The following DYRK1A variants were observed in gnomAD, a reference collection of about 807,000 sequenced individuals.
DYRK1A encodes dual specificity tyrosine-phosphorylation-regulated kinase 1A.
Under a neutral mutation model 79.7 loss-of-function variants are expected in DYRK1A, and 9 were observed. The observed-to-expected ratio is 0.11, with a 90% CI of 0.07 to 0.20. The LOEUF (loss-of-function observed/expected upper bound fraction) is 0.20, where lower values mean the gene tolerates loss of function less well. Among genes scored for constraint, DYRK1A ranks in the 10% least tolerant of loss-of-function variants. The pLI is 1.00. For missense variants in DYRK1A, 622 were observed against 956.0 expected (o/e 0.65, Z 4.61); for synonymous variants, 349 against 329.7 (o/e 1.06, Z -0.63).
chr21:37,524,659 C>CT lies in DYRK1A; in HGVS notation c.*12129dup, dbSNP rs2053956607. The CT allele has an allele frequency of 6.6e-6, 1 of 152,206 alleles. No individual in the cohort carries two copies. The highest frequency in any genetic ancestry group is 2.1e-4 in the South Asian group (1 of 4,830). The allele number at this position is 152,206 out of a possible 1,614,324, so 9.4% of individuals were successfully genotyped here. On this transcript the variant is annotated 3_prime_UTR_variant, in exon 12 of 12. Transcript: ENST00000647188. ...TGGTTTTGAGTGGTTTCCCCTGACT[C>CT]TCATGACAGGGGTCACCATATGTTA...
chr21:37,487,630 T>G (rs2052919677), intron 6 of DYRK1A: 1 of 152,154 alleles, frequency 6.6e-6, no homozygotes, highest in Non-Finnish European at 1.5e-5. Context: ...ATTTAACAGA[T>G]CTTTTAAGAA....
At chr21:37,502,277 G>C (rs942554893) in intron 9 of DYRK1A, 13 of 152,002 alleles carry the variant, frequency 8.6e-5, no homozygotes, top group African/African-American at 3.1e-4. Context: ...AGAGTTTTGG[G>C]TTTAAGACTT....
At chr21:37,486,373 A>G in intron 5 of DYRK1A, 94 bp from the exon 6 acceptor site, 1 of 982,752 alleles carries the variant, frequency 1.0e-6, no homozygotes, top group Non-Finnish European at 1.4e-6. Context: ...CATATAATTG[A>G]GAATTAGGTA....
At chr21:37,431,747 G>C (rs1411524325) in intron 2 of DYRK1A, among the ~76,000 whole-genome samples, 1 of 152,174 alleles carries the variant, frequency 6.6e-6, no homozygotes, top group Non-Finnish European at 1.5e-5. Context: ...GTTTTCATAT[G>C]ACGTAGAAAT....
chr21:37,480,727 T>G lies in DYRK1A; in HGVS notation c.390T>G (p.Gly130=). 6.2e-7 allele frequency: 1 copy of G among 1,612,774 alleles called. No homozygotes were observed. The highest frequency in any genetic ancestry group is 8.5e-7 in the Non-Finnish European group (1 of 1,179,382). ...AGGAACGGAAGGTTTACAATGATGGTTATGATGATGATAACTATGATTATA... is the reference window on the plus strand; with the variant it reads ...AGGAACGGAAGGTTTACAATGATGGGTATGATGATGATAACTATGATTATA... ...HKKERKVYND[G]YDDDNYDYIV... The change falls in exon 5 of 12, where the codon GGT becomes GGG. Residue 130 remains glycine, a synonymous_variant. Transcript: ENST00000647188.
intron 1 of DYRK1A, chr21:37,419,629 A>T (rs2050425276): frequency 6.6e-6 from 1 of 152,112 alleles, no homozygotes; most frequent in South Asian, 2.1e-4. Context: ...ACTTGTCTTT[A>T]CCTCTTCTGC....
At chr21:37,488,737 TCA>T in intron 6 of DYRK1A, 4 of 985,394 alleles carry the variant, frequency 4.1e-6, no homozygotes, top group Non-Finnish European at 4.8e-6. Context: ...AACATTGTGA[TCA>T]CAGAGCTTCT....
intron 1 of DYRK1A, among the ~76,000 whole-genome samples, chr21:37,382,050 C>A (rs549879966): frequency 1.4e-3 from 219 of 152,006 alleles, no homozygotes; most frequent in Admixed American, 3.2e-3. Context: ...GTTTTATAAC[C>A]TTTTTCAGTG....
chr21:37,494,566 G>T (rs912665506), intron 8 of DYRK1A, among the ~76,000 whole-genome samples: 3 of 151,746 alleles, frequency 2.0e-5, no homozygotes, highest in African/African-American at 7.3e-5. Context: ...CACATTCTCG[G>T]TGAAACCATA....
chr21:37,368,538 A>G (rs76408058), intron 1 of DYRK1A, among the ~76,000 whole-genome samples: 3,489 of 152,310 alleles, frequency 0.023, 112 homozygotes, highest in African/African-American at 0.077. Flanking sequence ...CAGGAATGCT[A>G]GCACCATTTG....
Position 37,515,365 on chromosome 21 carries a change from A to T in DYRK1A, c.*2834A>T, listed in dbSNP as rs1372480304. 2 of 152,602 alleles carry T rather than the reference A, an allele frequency of 1.3e-5. No individual in the cohort carries two copies. Among genetic ancestry groups the T allele is most frequent in the Non-Finnish European group, 2.9e-5 (2 of 68,036 alleles). The allele number at this position is 152,602 out of a possible 1,614,324, so 9.5% of individuals were successfully genotyped here. A position where few individuals can be genotyped will look rare whatever the true frequency, so the allele number is the denominator to read the frequency against. ...AGCAATCTCTGAAAGTAAAAATTGG[A>T]GGTTTAACAGATCATTTTGATTTTT... On this transcript the variant is annotated 3_prime_UTR_variant, in exon 12 of 12. Coordinates refer to ENST00000647188, the MANE Select transcript of DYRK1A (RefSeq NM_001347721.2).
rs540350654 is a variant in DYRK1A at position 37,461,236 on chromosome 21, TTTTA to T, written c.11-11443_11-11440del. Among the ~76,000 whole-genome samples the T allele has an allele frequency of 3.7e-3, 549 of 150,196 alleles. 5 individuals are homozygous for T. The highest frequency in any genetic ancestry group is 6.9e-3 in the Middle Eastern group (2 of 290). On this transcript the variant is annotated intron_variant, in intron 2 of 11. Coordinates refer to ENST00000647188, the MANE Select transcript of DYRK1A (RefSeq NM_001347721.2). ...ATTTTCAAATATAGGTAGTATTTCA[TTTTA>T]TTTAAGTTATACATTTATTTAAATT... is the stretch of plus-strand genomic sequence containing the variant.
chr21:37,457,896 C>T (rs1252702114), intron 2 of DYRK1A, among the ~76,000 whole-genome samples: 1 of 152,172 alleles, frequency 6.6e-6, no homozygotes, highest in Non-Finnish European at 1.5e-5. Flanking sequence ...AGGTAAAGAT[C>T]AGGGAAGGCA....
In DYRK1A at chr21:37,519,578, G is replaced by A. The variant is rs1004997568; in HGVS notation, c.*7047G>A. ...ACAGCAAACAATGCAGGGAAATGAG[G>A]TGGACAGTGTTCTCCGTGGAGGGCT... On this transcript the variant is annotated 3_prime_UTR_variant, in exon 12 of 12. Transcript: ENST00000647188. 3.9e-5 allele frequency: 6 copies of A among 152,158 alleles called. No individual in the cohort carries two copies. The highest frequency in any genetic ancestry group is 1.4e-4 in the African/African-American group (6 of 41,418). The allele number at this position is 152,158 out of a possible 1,614,324, so 9.4% of individuals were successfully genotyped here.
intron 5 of DYRK1A, among the ~76,000 whole-genome samples, chr21:37,482,900 G>T (rs905923485): frequency 3.2e-4 from 49 of 152,114 alleles, no homozygotes; most frequent in African/African-American, 9.7e-4. Flanking sequence ...GCTCTGTTCC[G>T]CCCGGGTCAG....
intron 2 of DYRK1A, among the ~76,000 whole-genome samples, chr21:37,461,433 A>G (rs2051834094): frequency 6.6e-6 from 1 of 152,228 alleles, no homozygotes; most frequent in South Asian, 2.1e-4. Flanking sequence ...ATATTAAGAA[A>G]AAATGTCTTT....
intron 2 of DYRK1A, among the ~76,000 whole-genome samples, chr21:37,470,021 G>A (rs1165162072): frequency 2.6e-5 from 4 of 152,194 alleles, no homozygotes; most frequent in Admixed American, 2.6e-4. Context: ...GTGGGCACCT[G>A]TAGTCCCAGC....
intron 2 of DYRK1A, chr21:37,421,790 T>C (rs955010828): frequency 6.6e-6 from 1 of 152,180 alleles, no homozygotes; most frequent in Non-Finnish European, 1.5e-5. Flanking sequence ...TTTCTCAGCA[T>C]TGTCAGCTCC....
In DYRK1A at chr21:37,458,810, A is replaced by G. The variant is rs772501719; in HGVS notation, c.11-13874A>G. On this transcript the variant is annotated intron_variant, in intron 2 of 11. Coordinates refer to ENST00000647188, the MANE Select transcript of DYRK1A (RefSeq NM_001347721.2). Reference sequence around the variant, plus strand: ...GGCCGAGGTCCATGGGGCTTCATAAAGGGCATTTTGAGCAGCTGGAGGCTT... The same window carrying G: ...GGCCGAGGTCCATGGGGCTTCATAAGGGGCATTTTGAGCAGCTGGAGGCTT... Among the ~76,000 whole-genome samples, 124 of 152,336 alleles carry G rather than the reference A, an allele frequency of 8.1e-4. 1 individual carries two copies. The highest frequency in any genetic ancestry group is 1.6e-3 in the Admixed American group (25 of 15,302).
Sources: allele counts gnomAD v4.1 joint callset (sites outside exome capture counted in the v4.1 genomes callset), GRCh38; gene constraint gnomAD v4.1.1; transcripts MANE v1.5; gene names NCBI Gene and HGNC (gene_info 2026-07-23, HGNC 2026-07-21).